Variants in PHACTR3 observed in about 807,000 individuals in gnomAD.
PHACTR3 encodes the protein protein phosphatase 1, regulatory subunit 123.
In PHACTR3, 16 loss-of-function variants were observed where a neutral mutation model predicts 66.8. The observed-to-expected ratio is 0.24, with a 90% confidence interval of 0.16 to 0.36. The LOEUF is 0.36. PHACTR3 is among the 10% of genes least tolerant of loss of function. The pLI, the probability that PHACTR3 is intolerant of heterozygous loss-of-function variation, is 1.00. For missense variants in PHACTR3, 647 were observed against 719.9 expected (o/e 0.90, Z 1.16); for synonymous variants, 323 against 292.1 (o/e 1.11, Z -1.08).
intron 1 of PHACTR3, among the ~76,000 whole-genome samples, chr20:59,643,751 A>G (rs2035186685): frequency 6.6e-6 from 1 of 152,174 alleles, no homozygotes; most frequent in Non-Finnish European, 1.5e-5. Flanking sequence ...TGTTCAGGGC[A>G]AATGCACGGG....
At chr20:59,634,901 C>T (rs933640070) in intron 1 of PHACTR3, among the ~76,000 whole-genome samples, 4 of 152,112 alleles carry the variant, frequency 2.6e-5, no homozygotes, top group African/African-American at 9.7e-5. Flanking sequence ...ATTTAAATAG[C>T]CACCTGTGGC....
At chr20:59,711,213 A>C (rs901869253) in intron 1 of PHACTR3, among the ~76,000 whole-genome samples, 1 of 152,222 alleles carries the variant, frequency 6.6e-6, no homozygotes, top group Admixed American at 6.5e-5. Flanking sequence ...TCTCTTCTAC[A>C]ATTATGTAAA....
chr20:59,733,963 G>C (rs955508941), intron 1 of PHACTR3, among the ~76,000 whole-genome samples: 1 of 151,824 alleles, frequency 6.6e-6, no homozygotes, highest in Non-Finnish European at 1.5e-5. Context: ...CCTGCCTTCA[G>C]CCTTGTTCCC....
chr20:59,629,093 C>G (rs181657204), intron 1 of PHACTR3, among the ~76,000 whole-genome samples: 1 of 152,368 alleles, frequency 6.6e-6, no homozygotes, highest in East Asian at 1.9e-4. Flanking sequence ...ACACCTATAG[C>G]TTCACGACAA....
intron 1 of PHACTR3, among the ~76,000 whole-genome samples, chr20:59,727,586 G>T (rs996446658): frequency 6.6e-6 from 1 of 152,044 alleles, no homozygotes; most frequent in African/African-American, 2.4e-5. Flanking sequence ...TTGAGGCCTC[G>T]CTGTGCCACT....
At chr20:59,707,763 G>C (rs906904346) in intron 1 of PHACTR3, among the ~76,000 whole-genome samples, 1 of 152,080 alleles carries the variant, frequency 6.6e-6, no homozygotes, top group African/African-American at 2.4e-5. Context: ...CCCTTGCCCA[G>C]CTCTTGCTCC....
At chr20:59,643,506 T>A (rs191832116) in intron 1 of PHACTR3, among the ~76,000 whole-genome samples, 314 of 152,340 alleles carry the variant, frequency 2.1e-3, no homozygotes, top group African/African-American at 7.0e-3. Context: ...CAACAAGTTT[T>A]GAGTAATTCT....
At chr20:59,679,661 C>T (rs997332436) in intron 1 of PHACTR3, among the ~76,000 whole-genome samples, 2 of 152,100 alleles carry the variant, frequency 1.3e-5, no homozygotes, top group Non-Finnish European at 2.9e-5. Context: ...GAAAAAGAGG[C>T]TTAATGGACT....
At chr20:59,721,112 T>C (rs1332275345) in intron 1 of PHACTR3, 3 of 152,252 alleles carry the variant, frequency 2.0e-5, no homozygotes. Flanking sequence ...CCACTATTTG[T>C]GGCAGGTACT....
chr20:59,635,004 C>T (rs1052161573), intron 1 of PHACTR3, among the ~76,000 whole-genome samples: 22 of 152,072 alleles, frequency 1.4e-4, no homozygotes, highest in Middle Eastern at 3.4e-3. Flanking sequence ...CTGAGAGTGC[C>T]GGGTGGAGGG....
intron 1 of PHACTR3, among the ~76,000 whole-genome samples, chr20:59,587,422 C>T (rs998426502): frequency 6.6e-6 from 1 of 152,232 alleles, no homozygotes; most frequent in Non-Finnish European, 1.5e-5. Context: ...TGGCTTTCCT[C>T]GTGGATGGAG....
At chr20:59,622,747 A>G (rs961952110) in intron 1 of PHACTR3, among the ~76,000 whole-genome samples, 18 of 151,898 alleles carry the variant, frequency 1.2e-4, no homozygotes, top group African/African-American at 3.9e-4. Flanking sequence ...GCCGGGCACC[A>G]GCTCCCATCT....
chr20:59,722,042 A>G (rs2038324491), intron 1 of PHACTR3, among the ~76,000 whole-genome samples: 1 of 152,076 alleles, frequency 6.6e-6, no homozygotes, highest in Non-Finnish European at 1.5e-5. Flanking sequence ...CATCCTGGCT[A>G]ACACAGTGAA....
At chr20:59,826,520 A>G (rs1158435217) in intron 8 of PHACTR3, among the ~76,000 whole-genome samples, 2 of 152,136 alleles carry the variant, frequency 1.3e-5, no homozygotes, top group Non-Finnish European at 2.9e-5. Flanking sequence ...TACAGGGCAC[A>G]TGCTGTCCTC....
chr20:59,807,319 C>T (rs998844656), intron 8 of PHACTR3, among the ~76,000 whole-genome samples: 4 of 152,152 alleles, frequency 2.6e-5, no homozygotes, highest in African/African-American at 7.2e-5. Flanking sequence ...AACACAAATG[C>T]CGCATTAGCC....
intron 1 of PHACTR3, among the ~76,000 whole-genome samples, chr20:59,630,082 A>G (rs1326512857): frequency 3.3e-5 from 5 of 152,258 alleles, no homozygotes; most frequent in South Asian, 2.1e-4. Flanking sequence ...AGTGTCAATC[A>G]TGACACTGAT....
At chr20:59,730,307 G>C (rs1009363447) in intron 1 of PHACTR3, among the ~76,000 whole-genome samples, 1 of 152,202 alleles carries the variant, frequency 6.6e-6, no homozygotes, top group Admixed American at 6.5e-5. Flanking sequence ...TCAGAGAAAA[G>C]TGTTGCCTCC....
chr20:59,717,144 A>G (rs1568740165), intron 1 of PHACTR3, among the ~76,000 whole-genome samples: 1 of 152,244 alleles, frequency 6.6e-6, no homozygotes, highest in Non-Finnish European at 1.5e-5. Context: ...CAACACAAAC[A>G]GTACATAAAA....
chr20:59,719,632 G>C (rs895401836), intron 1 of PHACTR3, among the ~76,000 whole-genome samples: 8 of 152,134 alleles, frequency 5.3e-5, no homozygotes, highest in African/African-American at 1.7e-4. Flanking sequence ...GCAACCCCTA[G>C]CTTACTTGAA....
Sources: allele counts gnomAD v4.1 joint callset (sites outside exome capture counted in the v4.1 genomes callset), GRCh38; gene constraint gnomAD v4.1.1; transcripts MANE v1.5; gene names NCBI Gene and HGNC (gene_info 2026-07-23, HGNC 2026-07-21).